The following LMTK3 variants were observed in gnomAD, a reference collection of about 807,000 sequenced individuals.
LMTK3 encodes serine/threonine-protein kinase LMTK3.
Under a neutral mutation model 116.7 loss-of-function variants are expected in LMTK3, and 27 were observed. The ratio of observed to expected loss-of-function variants is 0.23; its 90% CI spans 0.17 to 0.32. LMTK3 has a LOEUF of 0.32. Among genes scored for constraint, LMTK3 ranks in the 10% least tolerant of loss-of-function variants. The probability of loss-of-function intolerance (pLI) is 1.00; values close to 1 mark genes in which losing one functional copy is unlikely to be tolerated. For synonymous variants in LMTK3, 965 were observed against 971.0 expected (o/e 0.99, Z 0.11); for missense variants, 1,764 against 2,068.5 (o/e 0.85, Z 2.86).
Position 48,485,469 on chromosome 19 carries a change from C to G in LMTK3, c.*304G>C. On this transcript the variant is annotated 3_prime_UTR_variant, in exon 15 of 15. Coordinates refer to ENST00000600059, the MANE Select transcript of LMTK3 (RefSeq NM_001388485.1). ...GGGACCTCCGCTGTGTCGAGGGGCT[C>G]CAGGCCCAAAAGAGTTCAGTTCAGT... The G allele has an allele frequency of 5.1e-6, 2 of 393,888 alleles. No individual in the cohort carries two copies. The highest frequency in any genetic ancestry group is 5.4e-5 in the South Asian group (2 of 37,284). The allele number at this position is 393,888 out of a possible 1,614,324, so 24.4% of individuals were successfully genotyped here. A position where few individuals can be genotyped will look rare whatever the true frequency, so the allele number is the denominator to read the frequency against.
rs1972502239 is a variant in LMTK3, at chr19:48,503,092, T to G, written c.558-96A>C. ...GAACCAAACTGCTGCCTCCACCCTTTTTTGTTGTTTTTGTTTGTTTGTTTG... is the reference window on the plus strand; with the variant it reads ...GAACCAAACTGCTGCCTCCACCCTTGTTTGTTGTTTTTGTTTGTTTGTTTG... On this transcript the variant is annotated intron_variant, in intron 5 of 14. Coordinates refer to ENST00000600059, the MANE Select transcript of LMTK3 (RefSeq NM_001388485.1). The G allele has an allele frequency of 5.4e-6, 4 of 739,174 alleles. No individual in the cohort carries two copies. The Admixed American group carries it at 9.0e-5, about 17-fold the overall frequency. 45.8% of individuals were successfully genotyped at this position (739,174 alleles called of 1,614,324 possible).
chr19:48,494,194 C>A lies in LMTK3; in HGVS notation c.3677-85G>T, dbSNP rs565798343. 4.8e-6 allele frequency: 4 copies of A among 826,070 alleles called. No homozygotes were observed. The highest frequency in any genetic ancestry group is 6.1e-6 in the Non-Finnish European group (4 of 658,430). 51.2% of individuals were successfully genotyped at this position (826,070 alleles called of 1,614,324 possible). On this transcript the variant is annotated intron_variant, in intron 11 of 14. Transcript: ENST00000600059. The surrounding 1 kb of genome is among the most constrained non-coding windows in gnomAD (Gnocchi z 4.0). The stretch of plus-strand genomic sequence containing the variant: ...CCTAGCTGTGTGGCCTCAGATAAGA[C>A]CCCCGCACAATCTGGGCCTCAGCAC...
upstream of LMTK3, chr19:48,513,280 A>G (rs927910940): frequency 5.9e-5 from 56 of 945,992 alleles, no homozygotes; most frequent in Non-Finnish European, 7.7e-5. This position sits in a 1 kb window ranked among gnomAD's most constrained non-coding sequence, Gnocchi z 5.6. Flanking sequence ...TTTTACACGT[A>G]CAGAATTACC....
chr19:48,496,457 C>A (rs574660705), intron 11 of LMTK3, among the ~76,000 whole-genome samples: 1 of 152,136 alleles, frequency 6.6e-6, no homozygotes. Flanking sequence ...TACCATAAAG[C>A]CTGGCTAATT....
chr19:48,497,962 C>A lies in LMTK3; in HGVS notation c.3107G>T (p.Ser1036Ile), dbSNP rs766686413. Residue 1036 changes from serine (S) to isoleucine (I), a missense_variant, in exon 11 of 15, where the codon AGT becomes ATT. Physicochemically the swap from Ser to Ile is moderately radical, Grantham distance 142 (BLOSUM62 -2). This residue lies in a region of LMTK3 where 1,028 missense variants were observed against 1,050.6 expected (regional missense o/e 0.98). Coordinates refer to ENST00000600059, the MANE Select transcript of LMTK3 (RefSeq NM_001388485.1). The surrounding 1 kb of genome is among the most constrained non-coding windows in gnomAD (Gnocchi z 5.7). Reference protein sequence around the residue: ...APGPWEKTPESWGPAPTIGEP... With the variant: ...APGPWEKTPEIWGPAPTIGEP... ...CCCGATCGTGGGGGCTGGACCCCAA[C>A]TCTCGGGCGTCTTCTCCCAGGGCCC... is the stretch of plus-strand genomic sequence containing the variant. 3.8e-6 allele frequency: 6 copies of A among 1,592,468 alleles called. No individual in the cohort carries two copies. The highest frequency in any genetic ancestry group is 4.3e-6 in the Non-Finnish European group (5 of 1,171,488).
chr19:48,487,268 T>A (rs948155253), intron 14 of LMTK3, among the ~76,000 whole-genome samples: 2 of 151,726 alleles, frequency 1.3e-5, no homozygotes, highest in African/African-American at 4.8e-5. Context: ...CTCCTGACCT[T>A]GTGATCCACC....
At chr19:48,509,001 G>A (rs1321184628) in intron 4 of LMTK3, 32 bp from the exon 5 acceptor site, 1 of 1,477,884 alleles carries the variant, frequency 6.8e-7, no homozygotes, top group Non-Finnish European at 9.3e-7. Flanking sequence ...GTCAGCGAGT[G>A]CCGTTTCCCC....
chr19:48,485,480 AGAGTT>A lies in LMTK3; in HGVS notation c.*288_*292del, dbSNP rs1475445527. ...TGTGTCGAGGGGCTCCAGGCCCAAA[AGAGTT>A]CAGTTCAGTTCCGAGAAAGGCGGCT... On this transcript the variant is annotated 3_prime_UTR_variant, in exon 15 of 15. Transcript: ENST00000600059. 1 of 399,578 alleles carries A rather than the reference AGAGTT, an allele frequency of 2.5e-6. No homozygotes were observed. Among genetic ancestry groups the A allele is most frequent in the African/African-American group, 2.1e-5 (1 of 46,512 alleles). The allele number at this position is 399,578 out of a possible 1,614,324, so 24.8% of individuals were successfully genotyped here.
In LMTK3 at chr19:48,496,330, G is replaced by A. The variant is rs932134765; in HGVS notation, c.3676+1063C>T. ...TTTTTTTTTTCTGAGACAGAGTCTC[G>A]CTTTATCGCCCAGGCTGGAGTGCAG... is the stretch of plus-strand genomic sequence containing the variant. On this transcript the variant is annotated intron_variant, in intron 11 of 14. Coordinates refer to ENST00000600059, the MANE Select transcript of LMTK3 (RefSeq NM_001388485.1). 1.1e-3 allele frequency among the ~76,000 whole-genome samples: 156 copies of A among 144,752 alleles called. 1 individual carries two copies. The highest frequency in any genetic ancestry group is 3.7e-3 in the African/African-American group (142 of 38,572). The allele number at this position is 144,752 out of a possible 152,430, so 95.0% of individuals were successfully genotyped here.
chr19:48,493,890 C>CCCG lies in LMTK3; in HGVS notation c.3893_3895dup (p.Ala1298dup), dbSNP rs1401462258. 9.4e-7 allele frequency: 1 copy of CCCG among 1,061,812 alleles called. No individual in the cohort carries two copies. The highest frequency in any genetic ancestry group is 1.1e-6 in the Non-Finnish European group (1 of 882,548). The allele number at this position is 1,061,812 out of a possible 1,614,324, so 65.8% of individuals were successfully genotyped here. A position where few individuals can be genotyped will look rare whatever the true frequency, so the allele number is the denominator to read the frequency against. On this transcript the variant is annotated inframe_insertion, in exon 12 of 15. Transcript: ENST00000600059. Reference sequence around the variant, plus strand: ...TCGCGCCCTCCCGGGGCCCCGCGGCCCCGCCGCCGCGCCCGGCGCCGCCGC... The same window carrying CCCG: ...TCGCGCCCTCCCGGGGCCCCGCGGCCCCGCCGCCGCCGCGCCCGGCGCCGCCGC...
At chr19:48,509,305 G>A (rs1972619395) in intron 4 of LMTK3, 132 bp downstream of exon 4, 3 of 768,204 alleles carry the variant, frequency 3.9e-6, no homozygotes, top group South Asian at 1.6e-5. Flanking sequence ...ACGGAGGGGG[G>A]ATGGGAGGCT....
chr19:48,509,118 T>C (rs940663224), intron 4 of LMTK3, 149 bp from the exon 5 acceptor site: 2 of 622,490 alleles, frequency 3.2e-6, no homozygotes, highest in African/African-American at 1.8e-5. Flanking sequence ...CCACCAGACA[T>C]GGGGTGAGAC....
At chr19:48,502,761 G>T in intron 6 of LMTK3, 148 bp downstream of exon 6, 1 of 848,990 alleles carries the variant, frequency 1.2e-6, no homozygotes, top group Non-Finnish European at 1.8e-6. Context: ...CAGCCCCCAG[G>T]ACAGGCAGCA....
chr19:48,512,739 CAG>C (rs199807490), upstream of LMTK3, among the ~76,000 whole-genome samples: 3,121 of 152,254 alleles, frequency 0.02, 103 homozygotes, highest in African/African-American at 0.071. Context: ...TGGATACACA[CAG>C]ACACACTACA....
In LMTK3 at chr19:48,497,783, C is replaced by G; in HGVS notation, c.3286G>C (p.Gly1096Arg). The G allele has an allele frequency of 7.3e-7, 1 of 1,368,204 alleles. No homozygotes were observed. Among genetic ancestry groups the G allele is most frequent in the Non-Finnish European group, 9.4e-7 (1 of 1,066,512 alleles). The allele number at this position is 1,368,204 out of a possible 1,614,324, so 84.8% of individuals were successfully genotyped here. Reference protein sequence around the residue: ...PGTERRAPETGGAPRAPGAGR... With the variant: ...PGTERRAPETRGAPRAPGAGR... ...GCCCCTGGGGCTCTCGGCGCCCCCCCAGTCTCGGGGGCTCTCCTCTCGGTC... is the reference window on the plus strand; with the variant it reads ...GCCCCTGGGGCTCTCGGCGCCCCCCGAGTCTCGGGGGCTCTCCTCTCGGTC... The change falls in exon 11 of 15, where the codon GGG (glycine) becomes CGG (arginine). Residue 1096 changes from glycine (G) to arginine (R), a missense_variant. Physicochemically the swap from Gly to Arg is moderately radical, Grantham distance 125. This residue lies in a region of LMTK3 where 1,028 missense variants were observed against 1,050.6 expected (regional missense o/e 0.98). Coordinates refer to ENST00000600059, the MANE Select transcript of LMTK3 (RefSeq NM_001388485.1). The surrounding 1 kb of genome is among the most constrained non-coding windows in gnomAD (Gnocchi z 5.7).
In LMTK3 at chr19:48,499,529, A is replaced by T; in HGVS notation, c.1540T>A (p.Phe514Ile). 6.8e-7 allele frequency: 1 copy of T among 1,476,562 alleles called. No individual in the cohort carries two copies. The highest frequency in any genetic ancestry group is 9.0e-7 in the Non-Finnish European group (1 of 1,113,108). 91.5% of individuals were successfully genotyped at this position (1,476,562 alleles called of 1,614,324 possible). A position where few individuals can be genotyped will look rare whatever the true frequency, so the allele number is the denominator to read the frequency against. ...CTGGGCGTGGACAGCGCCTCGTAGA[A>T]AGGGTTGGAGGGGTTGGCGTGGGGG... The part of the protein sequence containing the change: ...PAPHANPSNP[F>I]YEALSTPSVL... The change falls in exon 11 of 15, where the codon TTC becomes ATC. Residue 514 changes from phenylalanine to isoleucine, a missense_variant. By Grantham distance (21) the Phe-to-Ile change is conservative (BLOSUM62 0). Coordinates refer to ENST00000600059, the MANE Select transcript of LMTK3 (RefSeq NM_001388485.1).
intron 14 of LMTK3, among the ~76,000 whole-genome samples, chr19:48,488,337 T>C (rs1569098273): frequency 6.6e-6 from 1 of 152,026 alleles, no homozygotes; most frequent in Non-Finnish European, 1.5e-5. Context: ...CTCTGCCCTG[T>C]CCAACCTCTC....
chr19:48,496,587 C>T (rs542757462), intron 11 of LMTK3, among the ~76,000 whole-genome samples: 1 of 152,288 alleles, frequency 6.6e-6, no homozygotes, highest in East Asian at 1.9e-4. Context: ...GCATGAGCCA[C>T]CCACCATGCC....
In LMTK3 at chr19:48,499,223, C is replaced by T; in HGVS notation, c.1846G>A (p.Gly616Ser). 7.2e-7 allele frequency: 1 copy of T among 1,386,530 alleles called. No homozygotes were observed. Among genetic ancestry groups the T allele is most frequent in the Non-Finnish European group, 9.4e-7 (1 of 1,065,224 alleles). The allele number at this position is 1,386,530 out of a possible 1,614,324, so 85.9% of individuals were successfully genotyped here. The change falls in exon 11 of 15, where the codon GGC (glycine) becomes AGC (serine). Residue 616 changes from glycine to serine, a missense_variant. By Grantham distance (56) the Gly-to-Ser change is moderately conservative (BLOSUM62 0). Coordinates refer to ENST00000600059, the MANE Select transcript of LMTK3 (RefSeq NM_001388485.1). Reference sequence around the variant, plus strand: ...TCTCCCGCCAGGGTCTCCCCGGCGCCCCGGCCCTCGGGGTCCCAGCCGCTC... The same window carrying T: ...TCTCCCGCCAGGGTCTCCCCGGCGCTCCGGCCCTCGGGGTCCCAGCCGCTC... Reference protein sequence around the residue: ...LLSGWDPEGRGAGETLAGDPA... With the variant: ...LLSGWDPEGRSAGETLAGDPA...
Sources: gnomAD v4.1 joint callset for allele counts (sites outside exome capture counted in the v4.1 genomes callset) on GRCh38, gnomAD v4.1.1 for gene constraint, gnomAD v4.1.1 regional missense constraint, Gnocchi (gnomAD v3.1) non-coding constraint, MANE v1.5 for transcripts, NCBI Gene and HGNC (gene_info 2026-07-23, HGNC 2026-07-21) for gene names.